The following MAGI3 variants were observed in gnomAD, a reference collection of about 807,000 sequenced individuals.
MAGI3 encodes the protein membrane-associated guanylate kinase, WW and PDZ domain-containing protein 3.
A neutral mutation model predicts 121.8 loss-of-function variants in MAGI3; 43 were observed. That is an observed-to-expected ratio of 0.35 (90% CI 0.28 to 0.46). The LOEUF (loss-of-function observed/expected upper bound fraction) is 0.46, where lower values mean the gene tolerates loss of function less well. Ranked by LOEUF, MAGI3 falls within the 20% of genes least tolerant of loss-of-function variation. MAGI3 has a pLI of 1.00. For missense variants in MAGI3, 1,547 were observed against 1,797.3 expected, an observed-to-expected ratio of 0.86 and a Z score of 2.52; for synonymous variants, 553 against 639.3, an observed-to-expected ratio of 0.86 and a Z score of 2.04.
At chr1:113,524,811 G>C (rs1658376974) in intron 1 of MAGI3, among the ~76,000 whole-genome samples, 1 of 152,126 alleles carries the variant, frequency 6.6e-6, no homozygotes, top group Admixed American at 6.5e-5. Flanking sequence ...GAAGAGATGA[G>C]ATTTGGGAGG....
intron 14 of MAGI3, among the ~76,000 whole-genome samples, chr1:113,652,941 CATG>C (rs1207381553): frequency 1.3e-5 from 2 of 152,146 alleles, no homozygotes; most frequent in Non-Finnish European, 2.9e-5. Flanking sequence ...GTTTGCTATT[CATG>C]TGGACAGCTT....
At chr1:113,632,538 C>T (rs533552701) in intron 9 of MAGI3, among the ~76,000 whole-genome samples, 1 of 152,222 alleles carries the variant, frequency 6.6e-6, no homozygotes, top group East Asian at 1.9e-4. Context: ...AATTTTAAGT[C>T]AAGACTGTAT....
intron 1 of MAGI3, among the ~76,000 whole-genome samples, chr1:113,395,620 A>G (rs1218677251): frequency 3.3e-5 from 5 of 151,890 alleles, no homozygotes; most frequent in Admixed American, 2.6e-4. Context: ...CTCAGTATGT[A>G]TATATGTATA....
intron 9 of MAGI3, among the ~76,000 whole-genome samples, chr1:113,636,275 G>A (rs2101811796): frequency 6.6e-6 from 1 of 152,196 alleles, no homozygotes; most frequent in South Asian, 2.1e-4. Flanking sequence ...GCTAGCTTTT[G>A]AATGTGTTTG....
chr1:113,650,144 T>G (rs960188866), intron 13 of MAGI3, among the ~76,000 whole-genome samples: 1 of 152,208 alleles, frequency 6.6e-6, no homozygotes, highest in Non-Finnish European at 1.5e-5. Context: ...ATAGAACATT[T>G]GATTTATGTA....
chr1:113,575,384 C>G (rs1186571188), intron 2 of MAGI3, among the ~76,000 whole-genome samples: 1 of 152,036 alleles, frequency 6.6e-6, no homozygotes, highest in African/African-American at 2.4e-5. Flanking sequence ...GGGTGAGCGT[C>G]CTTTTGGTTA....
At chr1:113,640,727 G>T (rs1002852294) in intron 9 of MAGI3, among the ~76,000 whole-genome samples, 1 of 151,498 alleles carries the variant, frequency 6.6e-6, no homozygotes, top group African/African-American at 2.4e-5. Context: ...GCCAGTCGGG[G>T]GTTGGGGGAC....
chr1:113,533,393 T>C lies in MAGI3; in HGVS notation c.317-16122T>C, dbSNP rs142857324. ...ATGGTAGCTAAACATTGAGTACACA[T>C]GGATAGAAAGAGGAGAGCAATAGAC... is the stretch of plus-strand genomic sequence containing the variant. On this transcript the variant is annotated intron_variant, in intron 1 of 20. Transcript: ENST00000307546. 5.3e-3 allele frequency among the ~76,000 whole-genome samples: 807 copies of C among 152,110 alleles called. 4 individuals carry two copies. Among genetic ancestry groups the C allele is most frequent in the African/African-American group, 0.019 (777 of 41,490 alleles).
At chr1:113,612,398 A>G (rs1650210935) in intron 6 of MAGI3, among the ~76,000 whole-genome samples, 3 of 152,196 alleles carry the variant, frequency 2.0e-5, no homozygotes, top group Non-Finnish European at 4.4e-5. Flanking sequence ...CCTTGAAGTC[A>G]AGAACTGGGT....
At chr1:113,572,227 C>T (rs962047086) in intron 2 of MAGI3, among the ~76,000 whole-genome samples, 3 of 152,230 alleles carry the variant, frequency 2.0e-5, no homozygotes, top group African/African-American at 7.2e-5. Flanking sequence ...ACCAGCGTTG[C>T]ATCCCAGGCA....
At chr1:113,580,859 A>T (rs948481229) in intron 3 of MAGI3, 198 bp downstream of exon 3, 16 of 389,254 alleles carry the variant, frequency 4.1e-5, no homozygotes, top group Non-Finnish European at 6.2e-5. Flanking sequence ...AAAAAAATCC[A>T]TCATATTTTA....
At chr1:113,650,948 G>C in intron 13 of MAGI3, 66 bp from the exon 14 acceptor site, 1 of 1,426,154 alleles carries the variant, frequency 7.0e-7, no homozygotes, top group Non-Finnish European at 9.7e-7. Flanking sequence ...TGCTAAGTTA[G>C]GAATTCCTTA....
At chr1:113,607,227 C>T (rs959397616) in intron 6 of MAGI3, among the ~76,000 whole-genome samples, 7 of 152,078 alleles carry the variant, frequency 4.6e-5, no homozygotes, top group African/African-American at 1.7e-4. Flanking sequence ...ACAAACTAAG[C>T]TTCACTACTA....
In MAGI3 at chr1:113,564,830, TATTTATTTATTTATTTTTG is replaced by T. The variant is rs1420798049; in HGVS notation, c.433+15220_433+15238del. Reference sequence around the variant, plus strand: ...TTTCATACCTAAAATTGTAGTTATTTATTTATTTATTTATTTTTGATTTATTTATTTATTTTTGAGACAG... The same window carrying T: ...TTTCATACCTAAAATTGTAGTTATTTATTTATTTATTTATTTTTGAGACAG... On this transcript the variant is annotated intron_variant, in intron 2 of 20. Coordinates refer to ENST00000307546, the MANE Select transcript of MAGI3 (RefSeq NM_001142782.2). Among the ~76,000 whole-genome samples, 5 of 152,238 alleles carry T rather than the reference TATTTATTTATTTATTTTTG, an allele frequency of 3.3e-5. No homozygotes were observed. In the South Asian group the frequency reaches 6.2e-4, roughly 19 times the overall value.
At chr1:113,482,038 T>C (rs1249293214) in intron 1 of MAGI3, among the ~76,000 whole-genome samples, 1 of 151,952 alleles carries the variant, frequency 6.6e-6, no homozygotes, top group Non-Finnish European at 1.5e-5. Flanking sequence ...AAACTTAAAC[T>C]ATGTAATAAT....
chr1:113,595,737 G>A (rs1648959731), intron 6 of MAGI3, among the ~76,000 whole-genome samples: 1 of 152,152 alleles, frequency 6.6e-6, no homozygotes, highest in African/African-American at 2.4e-5. Context: ...AAAGACATAG[G>A]AAGACTTAAA....
intron 1 of MAGI3, among the ~76,000 whole-genome samples, chr1:113,514,011 A>T (rs1408139180): frequency 6.6e-6 from 1 of 152,002 alleles, no homozygotes; most frequent in African/African-American, 2.4e-5. Context: ...GCAGCCAAAA[A>T]ACACATGAAA....
At position 113,624,191 on chromosome 1, in the gene MAGI3, A is replaced by G. The variant is rs142691570; in HGVS notation, c.1360+1197A>G. 3.4e-4 allele frequency among the ~76,000 whole-genome samples: 52 copies of G among 152,332 alleles called. 1 individual carries two copies. In the East Asian group the frequency reaches 7.9e-3, roughly 23 times the overall value. On this transcript the variant is annotated intron_variant, in intron 9 of 20. Transcript: ENST00000307546. Reference sequence around the variant, plus strand: ...ATGGGAGTGCAGATATCTCTTCAATATACTGATTTCCTTTCTTGTGGGTAT... The same window carrying G: ...ATGGGAGTGCAGATATCTCTTCAATGTACTGATTTCCTTTCTTGTGGGTAT...
At chr1:113,492,681 T>C (rs1228800140) in intron 1 of MAGI3, among the ~76,000 whole-genome samples, 2 of 152,190 alleles carry the variant, frequency 1.3e-5, no homozygotes, top group Non-Finnish European at 2.9e-5. Flanking sequence ...CTCCAGCTGA[T>C]ACACAAATTC....
Sources: gnomAD v4.1 joint callset for allele counts (sites outside exome capture counted in the v4.1 genomes callset) on GRCh38, gnomAD v4.1.1 for gene constraint, MANE v1.5 for transcripts, NCBI Gene and HGNC (gene_info 2026-07-23, HGNC 2026-07-21) for gene names.